ZNF324B: variants seen among roughly 807,000 people sequenced by gnomAD.
The protein encoded by ZNF324B is zinc finger protein 324B.
ZNF324B carries 7 observed loss-of-function variants against 10.6 expected under a neutral mutation model. The ratio of observed to expected loss-of-function variants is 0.66; its 90% CI spans 0.38 to 1.24. The LOEUF is 1.24. ZNF324B is among the 50% of genes most tolerant of loss of function. ZNF324B has a pLI of 0.02. For synonymous variants in ZNF324B, 316 were observed against 321.0 expected, an observed-to-expected ratio of 0.98 and a Z score of 0.17; for missense variants, 640 against 764.7, an observed-to-expected ratio of 0.84 and a Z score of 1.92.
chr19:58,430,487 C>T, the ZNF324B span: 1 of 152,224 alleles, frequency 6.6e-6, no homozygotes, highest in Non-Finnish European at 1.5e-5. Flanking sequence ...TGTGGCTTTC[C>T]CACATTTGTT....
At chr19:58,448,953 G>A (rs969705716), upstream of ZNF324B, among the ~76,000 whole-genome samples, 8 of 152,160 alleles carry the variant, frequency 5.3e-5, no homozygotes, top group African/African-American at 9.7e-5. Flanking sequence ...AATGTTAATC[G>A]CCCGGACAAT....
the ZNF324B span, chr19:58,444,673 C>T: frequency 1.3e-5 from 2 of 152,382 alleles, no homozygotes; most frequent in Non-Finnish European, 2.9e-5. Flanking sequence ...AGAACTGACA[C>T]TGAAGAGATA....
the ZNF324B span, chr19:58,436,980 A>C: frequency 1.2e-6 from 2 of 1,609,786 alleles, no homozygotes; most frequent in Non-Finnish European, 1.7e-6. Flanking sequence ...TGGGATGAAC[A>C]GAGCTTTCTA....
At position 58,454,356 on chromosome 19, in the gene ZNF324B, C is replaced by A; in HGVS notation, c.238+12C>A. On this transcript the variant is annotated intron_variant, in intron 3 of 3. Transcript: ENST00000336614. Reference sequence around the variant, plus strand: ...GAGGCTCAACTCTGGTGAGTGGGAGCTCAGGTGGGGTGAACTAAGGACCAA... The same window carrying A: ...GAGGCTCAACTCTGGTGAGTGGGAGATCAGGTGGGGTGAACTAAGGACCAA... 1 of 1,587,974 alleles carries A rather than the reference C, an allele frequency of 6.3e-7. No individual in the cohort carries two copies. Among genetic ancestry groups the A allele is most frequent in the South Asian group, 1.1e-5 (1 of 90,532 alleles).
chr19:58,446,490 T>G, the ZNF324B span, among the ~76,000 whole-genome samples: 2 of 151,342 alleles, frequency 1.3e-5, no homozygotes, highest in Admixed American at 6.6e-5. Context: ...CACATTGGGG[T>G]GGTATCATGC....
the ZNF324B span, chr19:58,437,842 C>G: frequency 2.1e-6 from 2 of 970,420 alleles, no homozygotes; most frequent in Non-Finnish European, 2.4e-6. Flanking sequence ...CAGCCCTGTT[C>G]CTTCAACCAT....
At chr19:58,431,364 G>A in the ZNF324B span, among the ~76,000 whole-genome samples, 3 of 152,210 alleles carry the variant, frequency 2.0e-5, no homozygotes, top group Non-Finnish European at 2.9e-5. Context: ...AACAGAGAGG[G>A]ATCTAGGACA....
chr19:58,439,941 G>A, the ZNF324B span: 4 of 1,051,322 alleles, frequency 3.8e-6, no homozygotes, highest in Non-Finnish European at 4.1e-6. Flanking sequence ...TCTGGGCACC[G>A]CAGGGACGAA....
In ZNF324B at chr19:58,456,474, C is replaced by G. The variant is rs754077387; in HGVS notation, c.1530C>G (p.Ala510=). 8.1e-6 allele frequency: 13 copies of G among 1,614,048 alleles called. No homozygotes were observed. In the East Asian group the frequency reaches 2.0e-4, roughly 25 times the overall value. ...QRIHTTEKTN[A]AAPDCTPGPG... Reference sequence around the variant, plus strand: ...TCCACACCACAGAGAAGACCAATGCCGCAGCACCAGACTGCACCCCGGGGC... The same window carrying G: ...TCCACACCACAGAGAAGACCAATGCGGCAGCACCAGACTGCACCCCGGGGC... Residue 510 remains alanine (A), a synonymous_variant, in exon 4 of 4, where the codon GCC becomes GCG. Coordinates refer to ENST00000336614, the MANE Select transcript of ZNF324B (RefSeq NM_207395.3). The surrounding 1 kb of genome is among the most constrained non-coding windows in gnomAD (Gnocchi z 4.7).
rs1168789680 is a variant in ZNF324B at position 58,454,356 on chromosome 19, C to G, written c.238+12C>G. Reference sequence around the variant, plus strand: ...GAGGCTCAACTCTGGTGAGTGGGAGCTCAGGTGGGGTGAACTAAGGACCAA... The same window carrying G: ...GAGGCTCAACTCTGGTGAGTGGGAGGTCAGGTGGGGTGAACTAAGGACCAA... On this transcript the variant is annotated intron_variant, in intron 3 of 3. Coordinates refer to ENST00000336614, the MANE Select transcript of ZNF324B (RefSeq NM_207395.3). 3 of 1,587,856 alleles carry G rather than the reference C, an allele frequency of 1.9e-6. No homozygotes were observed. Among genetic ancestry groups the G allele is most frequent in the Non-Finnish European group, 1.7e-6 (2 of 1,156,094 alleles).
At chr19:58,439,755 T>C in the ZNF324B span, 1 of 1,534,562 alleles carries the variant, frequency 6.5e-7, no homozygotes, top group Non-Finnish European at 8.8e-7. Context: ...CACACTCCAC[T>C]TACCTGCGCC....
At chr19:58,437,118 A>G in the ZNF324B span, 1 of 1,614,136 alleles carries the variant, frequency 6.2e-7, no homozygotes, top group South Asian at 1.1e-5. Flanking sequence ...TGCATCAAGG[A>G]GCTCCCACTC....
At chr19:58,435,734 A>G in the ZNF324B span, 2 of 155,640 alleles carry the variant, frequency 1.3e-5, no homozygotes, top group Admixed American at 1.3e-4. Flanking sequence ...GAGAACTAAA[A>G]ACATCCACAC....
chr19:58,426,270 G>T, the ZNF324B span, among the ~76,000 whole-genome samples: 3,471 of 152,166 alleles, frequency 0.023, 127 homozygotes, highest in African/African-American at 0.077. Flanking sequence ...AGAGGATGGC[G>T]TGGTAGGACA....
the ZNF324B span, chr19:58,433,926 C>T: frequency 6.2e-7 from 1 of 1,614,150 alleles, no homozygotes; most frequent in Non-Finnish European, 8.5e-7. Context: ...TATGTACTTT[C>T]TGGTGCTGGA....
intron 2 of ZNF324B, 51 bp from the exon 3 acceptor site, chr19:58,454,177 A>T: frequency 8.5e-7 from 1 of 1,174,174 alleles, no homozygotes; most frequent in Non-Finnish European, 1.3e-6. Context: ...CTCTGTTGGG[A>T]GGTGGGTTGT....
chr19:58,424,712 C>T, the ZNF324B span, among the ~76,000 whole-genome samples: 9 of 152,132 alleles, frequency 5.9e-5, no homozygotes, highest in African/African-American at 2.2e-4. Flanking sequence ...TGGTGGAGTG[C>T]ACCTGTAGTC....
chr19:58,435,430 C>T, the ZNF324B span: 1 of 527,998 alleles, frequency 1.9e-6, no homozygotes, highest in Non-Finnish European at 3.3e-6. Context: ...GGGGTAAGGA[C>T]ACAGAAATGG....
chr19:58,428,717 C>G, the ZNF324B span: 3 of 152,166 alleles, frequency 2.0e-5, no homozygotes, highest in African/African-American at 7.2e-5. Context: ...TTCTGTACAC[C>G]CTTATCTCAC....
Sources: gnomAD v4.1 joint callset for allele counts (sites outside exome capture counted in the v4.1 genomes callset) on GRCh38, gnomAD v4.1.1 for gene constraint, Gnocchi (gnomAD v3.1) non-coding constraint, MANE v1.5 for transcripts, NCBI Gene and HGNC (gene_info 2026-07-23, HGNC 2026-07-21) for gene names.